HOOK1: variants seen among roughly 807,000 people sequenced by gnomAD.
The protein encoded by HOOK1 is hook microtubule tethering protein 1, also known as protein Hook homolog 1.
Under a neutral mutation model 112.8 loss-of-function variants are expected in HOOK1, and 60 were observed. The observed-to-expected ratio is 0.53, with a 90% confidence interval of 0.43 to 0.66. The LOEUF is 0.66. HOOK1 is among the 30% of genes least tolerant of loss of function. The pLI, the probability that HOOK1 is intolerant of heterozygous loss-of-function variation, is 0.00. For synonymous variants in HOOK1, 294 were observed against 283.8 expected (o/e 1.04, Z -0.36); for missense variants, 770 against 856.0 (o/e 0.90, Z 1.25).
At position 59,848,350 on chromosome 1, in the gene HOOK1, C is replaced by T. The variant is rs752743241; in HGVS notation, c.965C>T (p.Thr322Ile). 1 of 1,610,958 alleles carries T rather than the reference C, an allele frequency of 6.2e-7. No individual in the cohort carries two copies. The highest frequency in any genetic ancestry group is 8.5e-7 in the Non-Finnish European group (1 of 1,177,940). ...GATAAAGCAAATAAACTGGAGTCAACAGTTGAGATATATCGTCAGAAGCTA... is the reference window on the plus strand; with the variant it reads ...GATAAAGCAAATAAACTGGAGTCAATAGTTGAGATATATCGTCAGAAGCTA... ...TSDKANKLESTVEIYRQKLQD... is the reference protein window; with the variant it reads ...TSDKANKLESIVEIYRQKLQD... The change falls in exon 11 of 22, where the codon ACA (threonine) becomes ATA (isoleucine). Residue 322 changes from threonine to isoleucine, a missense_variant. Thr to Ile is a moderately conservative substitution (Grantham distance 89). Coordinates refer to ENST00000371208, the MANE Select transcript of HOOK1 (RefSeq NM_015888.6).
intron 6 of HOOK1, 74 bp from the exon 7 acceptor site, chr1:59,836,799 T>C: frequency 1.2e-6 from 1 of 859,538 alleles, no homozygotes; most frequent in South Asian, 1.8e-5. Context: ...CATTTTACTA[T>C]CCTTTCAAGA....
chr1:59,829,752 T>C (rs1219693078), intron 3 of HOOK1, among the ~76,000 whole-genome samples: 2 of 152,124 alleles, frequency 1.3e-5, no homozygotes, highest in Non-Finnish European at 2.9e-5. Flanking sequence ...TTGATTTTTC[T>C]GATTTTTATT....
At chr1:59,854,504 T>G (rs1344277966) in intron 12 of HOOK1, among the ~76,000 whole-genome samples, 3 of 152,148 alleles carry the variant, frequency 2.0e-5, no homozygotes, top group Admixed American at 6.6e-5. Flanking sequence ...CTCTGTTGTT[T>G]TTTTTTTACT....
At position 59,833,553 on chromosome 1, in the gene HOOK1, T is replaced by C; in HGVS notation, c.406+16T>C. The C allele has an allele frequency of 2.6e-6, 4 of 1,520,390 alleles. No homozygotes were observed. Among genetic ancestry groups the C allele is most frequent in the Non-Finnish European group, 3.6e-6 (4 of 1,123,330 alleles). The allele number at this position is 1,520,390 out of a possible 1,614,324, so 94.2% of individuals were successfully genotyped here. A position where few individuals can be genotyped will look rare whatever the true frequency, so the allele number is the denominator to read the frequency against. On this transcript the variant is annotated intron_variant, in intron 5 of 21. Coordinates refer to ENST00000371208, the MANE Select transcript of HOOK1 (RefSeq NM_015888.6). ...AAGAAGCAAGGTAAGTGAATTTCAA[T>C]CATTTGAGGATTTCTACTTTCTAGA...
intron 18 of HOOK1, 41 bp from the exon 19 acceptor site, chr1:59,865,831 T>G (rs1389405369): frequency 1.1e-6 from 1 of 927,258 alleles, no homozygotes; most frequent in Non-Finnish European, 1.6e-6. Context: ...AGGTAGTAAA[T>G]ATTAATAACT....
intron 7 of HOOK1, among the ~76,000 whole-genome samples, chr1:59,839,865 T>C (rs113983869): frequency 0.048 from 7,285 of 152,272 alleles, 413 homozygotes; most frequent in African/African-American, 0.13. Context: ...ATACGTTCCA[T>C]TGATACCTAG....
At chr1:59,848,945 T>TA (rs1428995234) in intron 11 of HOOK1, 128 bp from the exon 12 acceptor site, 6 of 483,590 alleles carry the variant, frequency 1.2e-5, no homozygotes, top group Non-Finnish European at 2.2e-5. Context: ...TATTTAAAAT[T>TA]AGACTGCAAT....
intron 19 of HOOK1, among the ~76,000 whole-genome samples, 187 bp downstream of exon 19, chr1:59,866,159 T>C (rs756069319): frequency 3.3e-5 from 5 of 152,134 alleles, no homozygotes; most frequent in Non-Finnish European, 5.9e-5. Context: ...CACTCATCAG[T>C]GTCAGATAAA....
At chr1:59,821,698 G>T (rs1432403225) in intron 1 of HOOK1, among the ~76,000 whole-genome samples, 160 bp from the exon 2 acceptor site, 1 of 151,678 alleles carries the variant, frequency 6.6e-6, no homozygotes, top group Non-Finnish European at 1.5e-5. Flanking sequence ...AGACATATTA[G>T]CATAGTTCCA....
chr1:59,817,198 C>T (rs963576666), intron 1 of HOOK1, among the ~76,000 whole-genome samples: 1 of 152,152 alleles, frequency 6.6e-6, no homozygotes, highest in African/African-American at 2.4e-5. Flanking sequence ...GCCACTATTC[C>T]GTGTTAAAGT....
chr1:59,865,304 T>C (rs1643942739), intron 18 of HOOK1, 59 bp downstream of exon 18: 7 of 999,654 alleles, frequency 7.0e-6, no homozygotes, highest in South Asian at 6.7e-5. Context: ...TACCCTTTTT[T>C]ATTGAAGGAT....
intron 21 of HOOK1, 43 bp from the exon 22 acceptor site, chr1:59,872,752 G>A: frequency 7.6e-7 from 1 of 1,312,762 alleles, no homozygotes. Context: ...GGCAAACTCT[G>A]TTTAGTCATG....
intron 21 of HOOK1, 144 bp downstream of exon 21, chr1:59,871,254 T>C: frequency 1.8e-6 from 1 of 564,794 alleles, no homozygotes; most frequent in Non-Finnish European, 3.1e-6. Context: ...GAAACAAAAG[T>C]TACCCTGTGT....
rs753579439 is a variant in HOOK1 at position 59,872,897 on chromosome 1, C to T, written c.2119C>T (p.Gln707Ter). The T allele has an allele frequency of 2.6e-6, 4 of 1,526,108 alleles. No individual in the cohort carries two copies. In the South Asian group the frequency reaches 5.0e-5, roughly 19 times the overall value. The allele number at this position is 1,526,108 out of a possible 1,614,324, so 94.5% of individuals were successfully genotyped here. Reference protein sequence around the residue: ...ACTPARSFLAQQRHITNTRRN... With the variant: ...ACTPARSFLA ...CACTCCTGCGCGGTCTTTCTTAGCGCAGCAACGGCACATCACCAACACCAG... is the reference window on the plus strand; with the variant it reads ...CACTCCTGCGCGGTCTTTCTTAGCGTAGCAACGGCACATCACCAACACCAG... The change falls in exon 22 of 22, where the codon CAG becomes TAG. Residue 707 changes from glutamine to a stop codon, truncating the protein, a stop_gained. Transcript: ENST00000371208. LOFTEE classifies it high-confidence loss of function.
In HOOK1 at chr1:59,816,670, T is replaced by A. The variant is rs116025515; in HGVS notation, c.63+1490T>A. ...TGACTTCCAATGTTGAGCTAGGCAC[T>A]GGGGAGGACTGGAGTGGTAGCCAGA... is the stretch of plus-strand genomic sequence containing the variant. On this transcript the variant is annotated intron_variant, in intron 1 of 21. Coordinates refer to ENST00000371208, the MANE Select transcript of HOOK1 (RefSeq NM_015888.6). Among the ~76,000 whole-genome samples the A allele has an allele frequency of 7.5e-3, 1,135 of 152,318 alleles. 7 individuals carry two copies. The highest frequency in any genetic ancestry group is 0.012 in the Non-Finnish European group (783 of 68,024).
rs2102081540 is a variant in HOOK1, at chr1:59,872,942, G to C, written c.2164G>C (p.Val722Leu). The change falls in exon 22 of 22, where the codon GTC becomes CTC. Residue 722 changes from valine to leucine, a missense_variant. Coordinates refer to ENST00000371208, the MANE Select transcript of HOOK1 (RefSeq NM_015888.6). ...CACCAGAAGAAATCTCTCTGTTAAA[G>C]TCCCTGCTACAACATCTGATTAAAC... ...TNTRRNLSVK[V>L]PATTSD is the part of the protein sequence containing the mutation. The C allele has an allele frequency of 2.7e-6, 4 of 1,506,982 alleles. No homozygotes were observed. In the East Asian group the frequency reaches 1.0e-4, roughly 38 times the overall value. The allele number at this position is 1,506,982 out of a possible 1,614,324, so 93.4% of individuals were successfully genotyped here.
chr1:59,857,686 A>G (rs978733064), intron 12 of HOOK1, among the ~76,000 whole-genome samples: 1 of 152,200 alleles, frequency 6.6e-6, no homozygotes, highest in Non-Finnish European at 1.5e-5. Flanking sequence ...TTGACTTGGA[A>G]CATAACAGCA....
In HOOK1 at chr1:59,865,168, A is replaced by G; in HGVS notation, c.1667A>G (p.Lys556Arg). The part of the protein sequence containing the change: ...LKQKLEAHME[K>R]LTEVHEELQK... ...ATGCTTTTTCTACCACTTAGGGAAA[A>G]ACTCACAGAGGTCCATGAAGAATTA... The change falls in exon 18 of 22, where the codon AAA (lysine) becomes AGA (arginine). Residue 556 changes from lysine to arginine, a missense_variant. Physicochemically the swap from Lys to Arg is conservative, Grantham distance 26 (BLOSUM62 2). Coordinates refer to ENST00000371208, the MANE Select transcript of HOOK1 (RefSeq NM_015888.6). 2 of 1,599,314 alleles carry G rather than the reference A, an allele frequency of 1.3e-6. No individual in the cohort carries two copies. Among genetic ancestry groups the G allele is most frequent in the Non-Finnish European group, 1.7e-6 (2 of 1,166,716 alleles).
Position 59,848,968 on chromosome 1 carries a change from A to G in HOOK1, c.1132-105A>G, listed in dbSNP as rs921214022. 7.3e-6 allele frequency: 4 copies of G among 545,202 alleles called. No individual in the cohort carries two copies. In the African/African-American group the frequency reaches 7.8e-5, roughly 11 times the overall value. 33.8% of individuals were successfully genotyped at this position (545,202 alleles called of 1,614,324 possible). A position where few individuals can be genotyped will look rare whatever the true frequency, so the allele number is the denominator to read the frequency against. On this transcript the variant is annotated intron_variant, in intron 11 of 21. Transcript: ENST00000371208. ...ATTAGACTGCAATTTTAGTGTAGAT[A>G]TTTATTCATAATCAGTTTTTCATTT...
Sources: allele counts gnomAD v4.1 joint callset (sites outside exome capture counted in the v4.1 genomes callset), GRCh38; gene constraint gnomAD v4.1.1; transcripts MANE v1.5; gene names NCBI Gene and HGNC (gene_info 2026-07-23, HGNC 2026-07-21).